EPC2: variants seen among roughly 807,000 people sequenced by gnomAD.
The protein encoded by EPC2 is enhancer of polycomb homolog 2.
In EPC2, 14 loss-of-function variants were observed where a neutral mutation model predicts 92.1. That is an observed-to-expected ratio of 0.15 (90% CI 0.10 to 0.24). The LOEUF (loss-of-function observed/expected upper bound fraction) is 0.24, where lower values mean the gene tolerates loss of function less well. Ranked by LOEUF, EPC2 falls within the 10% of genes least tolerant of loss-of-function variation. The pLI, the probability that EPC2 is intolerant of heterozygous loss-of-function variation, is 1.00. For synonymous variants in EPC2, 340 were observed against 334.7 expected, an observed-to-expected ratio of 1.02 and a Z score of -0.17; for missense variants, 755 against 971.5, an observed-to-expected ratio of 0.78 and a Z score of 2.96.
chr2:148,782,389 T>A (rs1429834424), intron 11 of EPC2, among the ~76,000 whole-genome samples: 1 of 151,928 alleles, frequency 6.6e-6, no homozygotes, highest in African/African-American at 2.4e-5. Flanking sequence ...ATACAAAAAC[T>A]AACTGGGCAT....
chr2:148,723,906 T>A (rs6726755), intron 2 of EPC2, among the ~76,000 whole-genome samples: 146,561 of 152,114 alleles, frequency 0.96, 70,838 homozygotes, highest in Middle Eastern at 1. Context: ...ATTCTTAGAG[T>A]TCTATAAAAA....
chr2:148,697,772 T>G (rs1360202690), intron 2 of EPC2, among the ~76,000 whole-genome samples: 1 of 152,138 alleles, frequency 6.6e-6, no homozygotes, highest in African/African-American at 2.4e-5. Flanking sequence ...GCCAGGACCT[T>G]TGGGTTTTAG....
rs1683125532 is a variant in EPC2 at position 148,753,874 on chromosome 2, T to G, written c.460-53T>G. On this transcript the variant is annotated intron_variant, in intron 3 of 13. Coordinates refer to ENST00000258484, the MANE Select transcript of EPC2 (RefSeq NM_015630.4). ...TTTTTCTACAGCCATAAGCTAACTT[T>G]TATTTCTTTTTGCAAACATTGTAGC... 3.3e-6 allele frequency: 5 copies of G among 1,510,952 alleles called. No individual in the cohort carries two copies. The African/African-American group carries it at 5.6e-5, about 17-fold the overall frequency. 93.6% of individuals were successfully genotyped at this position (1,510,952 alleles called of 1,614,324 possible).
chr2:148,644,806 C>T lies in EPC2; in HGVS notation c.-212C>T, dbSNP rs1426576401. Among the ~76,000 whole-genome samples, 1 of 98,552 alleles carries T rather than the reference C, an allele frequency of 1.0e-5. No homozygotes were observed. The highest frequency in any genetic ancestry group is 1.2e-4 in the Admixed American group (1 of 8,672). 64.7% of individuals were successfully genotyped at this position (98,552 alleles called of 152,430 possible). A position where few individuals can be genotyped will look rare whatever the true frequency, so the allele number is the denominator to read the frequency against. On this transcript the variant is annotated 5_prime_UTR_variant, in exon 1 of 14. Coordinates refer to ENST00000258484, the MANE Select transcript of EPC2 (RefSeq NM_015630.4). ...GGGAGCGGATCGGGCGGGCGAGCGG[C>T]GGATCTAGTGTGTGGAGGCGGCCGC...
intron 1 of EPC2, among the ~76,000 whole-genome samples, chr2:148,652,223 C>T (rs1040104991): frequency 1.3e-5 from 2 of 152,144 alleles, no homozygotes; most frequent in African/African-American, 4.8e-5. Flanking sequence ...CCTGAGAGAT[C>T]TGCTACCGAT....
chr2:148,762,635 G>T, intron 5 of EPC2, 35 bp from the exon 6 acceptor site: 2 of 1,477,426 alleles, frequency 1.4e-6, no homozygotes, highest in Non-Finnish European at 1.8e-6. Context: ...GTCAAACTAT[G>T]CAATGTTTTC....
intron 2 of EPC2, among the ~76,000 whole-genome samples, chr2:148,728,050 C>T (rs571042777): frequency 6.6e-6 from 1 of 152,268 alleles, no homozygotes; most frequent in South Asian, 2.1e-4. Context: ...AGTTCAGTGG[C>T]ATGCTCATGG....
At chr2:148,730,869 C>G (rs567684327) in intron 2 of EPC2, among the ~76,000 whole-genome samples, 1 of 152,226 alleles carries the variant, frequency 6.6e-6, no homozygotes, top group Admixed American at 6.5e-5. Flanking sequence ...ACTATTCAAC[C>G]CTGCATTCTT....
At chr2:148,765,751 G>A (rs1683395628) in intron 7 of EPC2, among the ~76,000 whole-genome samples, 3 of 152,092 alleles carry the variant, frequency 2.0e-5, no homozygotes, top group Admixed American at 1.3e-4. Flanking sequence ...TATATTAAAA[G>A]ATCCGGCCAG....
intron 1 of EPC2, among the ~76,000 whole-genome samples, chr2:148,675,757 C>T (rs1312159690): frequency 1.3e-5 from 2 of 152,078 alleles, no homozygotes; most frequent in Non-Finnish European, 2.9e-5. Flanking sequence ...TTGTTTTTGT[C>T]ATTGTGGTTT....
chr2:148,685,016 G>A (rs774395343), intron 1 of EPC2, among the ~76,000 whole-genome samples: 14 of 151,972 alleles, frequency 9.2e-5, no homozygotes, highest in Non-Finnish European at 1.8e-4. Context: ...ATACTTGTTA[G>A]CCTTTTGGGT....
intron 2 of EPC2, among the ~76,000 whole-genome samples, chr2:148,742,647 G>T (rs936707686): frequency 7.9e-5 from 12 of 151,930 alleles, no homozygotes; most frequent in African/African-American, 2.7e-4. Context: ...GGGTGTGGTT[G>T]TGCACACCTG....
At chr2:148,693,730 A>G (rs1180012947) in intron 2 of EPC2, among the ~76,000 whole-genome samples, 1 of 152,154 alleles carries the variant, frequency 6.6e-6, no homozygotes, top group Non-Finnish European at 1.5e-5. Flanking sequence ...TAATAATGAG[A>G]TCTTTGTAGC....
At chr2:148,781,611 G>A (rs776449857) in intron 10 of EPC2, 33 bp from the exon 11 acceptor site, 11 of 1,588,562 alleles carry the variant, frequency 6.9e-6, no homozygotes, top group Middle Eastern at 1.7e-4. Flanking sequence ...CTTTTAAAAC[G>A]TACTCATTTC....
intron 2 of EPC2, among the ~76,000 whole-genome samples, chr2:148,728,602 T>G (rs1423997091): frequency 6.6e-6 from 1 of 152,070 alleles, no homozygotes; most frequent in South Asian, 2.1e-4. Context: ...GGTGGTGTTA[T>G]GTCTGTAGTC....
chr2:148,649,259 A>G (rs1449861008), intron 1 of EPC2, among the ~76,000 whole-genome samples: 1 of 152,322 alleles, frequency 6.6e-6, no homozygotes, highest in Middle Eastern at 3.4e-3. Flanking sequence ...AGTTTGATGA[A>G]TTTTGACAAA....
chr2:148,722,261 C>G (rs1035335929), intron 2 of EPC2, among the ~76,000 whole-genome samples: 1 of 152,096 alleles, frequency 6.6e-6, no homozygotes, highest in Admixed American at 6.6e-5. Context: ...GTTTTTCCCC[C>G]CTTAGGGTGG....
chr2:148,741,980 C>T (rs1297256739), intron 2 of EPC2, among the ~76,000 whole-genome samples: 1 of 152,110 alleles, frequency 6.6e-6, no homozygotes, highest in Non-Finnish European at 1.5e-5. Context: ...TATTAGTGCG[C>T]TATATATACT....
intron 2 of EPC2, among the ~76,000 whole-genome samples, chr2:148,732,190 TTA>T (rs1157673633): frequency 1.3e-5 from 2 of 152,140 alleles, no homozygotes; most frequent in Non-Finnish European, 2.9e-5. Context: ...TTCAGTTCTA[TTA>T]TTCTAAGAAA....
Sources: gnomAD v4.1 joint callset for allele counts (sites outside exome capture counted in the v4.1 genomes callset) on GRCh38, gnomAD v4.1.1 for gene constraint, MANE v1.5 for transcripts, NCBI Gene and HGNC (gene_info 2026-07-23, HGNC 2026-07-21) for gene names.